The following CHN2 variants were observed in gnomAD, a reference collection of about 807,000 sequenced individuals.
CHN2 encodes the protein beta-chimaerin.
CHN2 carries 35 observed loss-of-function variants against 56.3 expected under a neutral mutation model. The observed-to-expected ratio is 0.62, with a 90% CI of 0.47 to 0.82. The LOEUF (loss-of-function observed/expected upper bound fraction) is 0.82. Among genes scored for constraint, CHN2 ranks in the 40% least tolerant of loss-of-function variants. The pLI, the probability that CHN2 is intolerant of heterozygous loss-of-function variation, is 0.00. For missense variants in CHN2, 491 were observed against 580.5 expected (o/e 0.85, Z 1.58); for synonymous variants, 210 against 212.8 (o/e 0.99, Z 0.12).
intron 7 of CHN2, chr7:29,483,884 T>C: frequency 7.7e-7 from 1 of 1,302,746 alleles, no homozygotes; most frequent in Non-Finnish European, 1.0e-6. Flanking sequence ...AGAGCTCAGC[T>C]CTCTCTGCCT....
At chr7:29,282,455 A>G (rs1460290635) in intron 1 of CHN2, among the ~76,000 whole-genome samples, 2 of 152,222 alleles carry the variant, frequency 1.3e-5, no homozygotes, top group Admixed American at 6.5e-5. Context: ...TATATGTTAC[A>G]TTGACAAACT....
intron 2 of CHN2, among the ~76,000 whole-genome samples, chr7:29,176,188 GA>G (rs200056581): frequency 3.6e-5 from 5 of 137,296 alleles, no homozygotes; most frequent in Admixed American, 7.4e-5. Context: ...TCCGTCTCAA[GA>G]AAAAAAAAAC....
intron 6 of CHN2, among the ~76,000 whole-genome samples, chr7:29,412,441 T>C (rs947877799): frequency 2.0e-5 from 3 of 150,576 alleles, no homozygotes; most frequent in Non-Finnish European, 1.5e-5. Context: ...AAGTGATTCT[T>C]CTACCTCAGC....
intron 1 of CHN2, chr7:29,212,818 C>T (rs1785056886): frequency 6.2e-7 from 1 of 1,607,686 alleles, no homozygotes; most frequent in South Asian, 1.1e-5. Context: ...CAGCACCTAC[C>T]TACCCCAGCC....
chr7:29,185,871 T>C (rs1798648843), intron 2 of CHN2, among the ~76,000 whole-genome samples: 5 of 152,172 alleles, frequency 3.3e-5, no homozygotes, highest in Admixed American at 3.3e-4. Flanking sequence ...ATATTAAAGG[T>C]TGCACAGCCC....
chr7:29,148,690 G>C (rs1056564196), intron 2 of CHN2: 1 of 152,144 alleles, frequency 6.6e-6, no homozygotes, highest in Non-Finnish European at 1.5e-5. Context: ...CGGATTTGTC[G>C]TGTGTCAGGT....
chr7:29,430,259 T>A (rs1782744658), intron 6 of CHN2, among the ~76,000 whole-genome samples: 2 of 152,194 alleles, frequency 1.3e-5, no homozygotes, highest in African/African-American at 4.8e-5. Flanking sequence ...TCATTGCCCC[T>A]CTGCCAGCCC....
At chr7:29,198,960 G>A (rs921030177) in intron 1 of CHN2, among the ~76,000 whole-genome samples, 5 of 152,198 alleles carry the variant, frequency 3.3e-5, no homozygotes, top group Non-Finnish European at 7.4e-5. Flanking sequence ...TCAAAATAAA[G>A]TTGACACAGA....
At chr7:29,408,877 C>CA (rs1294748533) in intron 6 of CHN2, among the ~76,000 whole-genome samples, 13 of 152,142 alleles carry the variant, frequency 8.5e-5, no homozygotes, top group East Asian at 1.9e-4. Context: ...TGTCCCCATC[C>CA]AAAATCTCTC....
At chr7:29,247,181 G>T (rs528130889) in intron 1 of CHN2, among the ~76,000 whole-genome samples, 11 of 152,204 alleles carry the variant, frequency 7.2e-5, no homozygotes, top group Non-Finnish European at 1.5e-4. Flanking sequence ...AGAGGGAACA[G>T]CAAGTGCAGA....
chr7:29,187,498 C>T (rs1374502367), intron 2 of CHN2, among the ~76,000 whole-genome samples: 2 of 151,936 alleles, frequency 1.3e-5, no homozygotes, highest in Non-Finnish European at 1.5e-5. Context: ...CCGAGGTGGG[C>T]GGATCACCTG....
rs569400082 is a variant in CHN2, at chr7:29,493,874, A to T, written c.655-2078A>T. 1.2e-3 allele frequency among the ~76,000 whole-genome samples: 177 copies of T among 152,306 alleles called. 1 individual carries two copies. Among genetic ancestry groups the T allele is most frequent in the Middle Eastern group, 6.8e-3 (2 of 294 alleles). ...AACACAGTTGTCAGAATAATCTTTT[A>T]AAAAAATCTATGTGAAGTCCTCCAA... On this transcript the variant is annotated intron_variant, in intron 7 of 12. Coordinates refer to ENST00000222792, the MANE Select transcript of CHN2 (RefSeq NM_004067.4).
chr7:29,440,232 A>G (rs1783531880), intron 6 of CHN2, among the ~76,000 whole-genome samples: 1 of 152,234 alleles, frequency 6.6e-6, no homozygotes, highest in South Asian at 2.1e-4. Flanking sequence ...AATGTAGTAT[A>G]TACCTAAGAC....
At chr7:29,195,073 CT>C in intron 1 of CHN2, 83 bp downstream of exon 1, 1 of 1,407,878 alleles carries the variant, frequency 7.1e-7, no homozygotes, top group Non-Finnish European at 9.6e-7. Context: ...TGGACAGAGC[CT>C]ACCTGTGGCC....
chr7:29,289,448 A>G (rs922765595), intron 1 of CHN2, among the ~76,000 whole-genome samples: 2 of 152,144 alleles, frequency 1.3e-5, no homozygotes, highest in Non-Finnish European at 2.9e-5. Flanking sequence ...CAGCATCCCA[A>G]AGGCCAGCAG....
intron 1 of CHN2, among the ~76,000 whole-genome samples, chr7:29,259,023 TAAAA>T (rs34469755): frequency 1.4e-5 from 2 of 142,870 alleles, no homozygotes; most frequent in Non-Finnish European, 1.5e-5. Context: ...CTATGTAGCT[TAAAA>T]AAAAAAAAAA....
chr7:29,160,143 A>G (rs943039310), intron 2 of CHN2, among the ~76,000 whole-genome samples: 1 of 152,184 alleles, frequency 6.6e-6, no homozygotes, highest in African/African-American at 2.4e-5. Flanking sequence ...CCTGGCCCTC[A>G]TAATATTTCT....
intron 3 of CHN2, among the ~76,000 whole-genome samples, chr7:29,385,196 G>A (rs2128063321): frequency 6.6e-6 from 1 of 152,118 alleles, no homozygotes; most frequent in East Asian, 1.9e-4. Flanking sequence ...ATTATCAAAA[G>A]CAAATATTTC....
chr7:29,416,918 T>A (rs1803811575), intron 6 of CHN2, among the ~76,000 whole-genome samples: 1 of 152,222 alleles, frequency 6.6e-6, no homozygotes, highest in Non-Finnish European at 1.5e-5. Context: ...AGCTCCTTGC[T>A]GGCCCCTGCA....
Sources: allele counts gnomAD v4.1 joint callset (sites outside exome capture counted in the v4.1 genomes callset), GRCh38; gene constraint gnomAD v4.1.1; transcripts MANE v1.5; gene names NCBI Gene and HGNC (gene_info 2026-07-23, HGNC 2026-07-21).